The following PLEKHA7 variants were observed in gnomAD, a reference collection of about 807,000 sequenced individuals.
PLEKHA7 encodes pleckstrin homology domain-containing family A member 7.
In PLEKHA7, 104 loss-of-function variants were observed where a neutral mutation model predicts 170.0. The observed-to-expected ratio is 0.61, with a 90% confidence interval of 0.52 to 0.72. The LOEUF (loss-of-function observed/expected upper bound fraction) is 0.72. PLEKHA7 is among the 30% of genes least tolerant of loss of function. The probability of loss-of-function intolerance (pLI) is 0.00; values close to 1 mark genes in which losing one functional copy is unlikely to be tolerated. For missense variants in PLEKHA7, 1,615 were observed against 1,671.7 expected (o/e 0.97, Z 0.59); for synonymous variants, 648 against 660.8 (o/e 0.98, Z 0.30).
At chr11:16,840,191 T>C (rs896533620) in intron 9 of PLEKHA7, among the ~76,000 whole-genome samples, 10 of 152,204 alleles carry the variant, frequency 6.6e-5, no homozygotes, top group African/African-American at 2.4e-4. Flanking sequence ...CATTCATTCA[T>C]TCATCGAATC....
intron 3 of PLEKHA7, among the ~76,000 whole-genome samples, chr11:16,882,892 T>C (rs563347158): frequency 3.2e-4 from 48 of 149,444 alleles, no homozygotes; most frequent in African/African-American, 1.2e-3. Flanking sequence ...ACACACAGAG[T>C]TCAGAGTGGG....
chr11:16,785,255 C>A (rs1022464229), intron 24 of PLEKHA7, among the ~76,000 whole-genome samples: 1 of 152,250 alleles, frequency 6.6e-6, no homozygotes, highest in Non-Finnish European at 1.5e-5. Context: ...AGTTCTCACT[C>A]TCCTATCACA....
At chr11:16,959,846 GC>G (rs1861935786) in intron 3 of PLEKHA7, among the ~76,000 whole-genome samples, 1 of 152,172 alleles carries the variant, frequency 6.6e-6, no homozygotes. Context: ...GCTCCCCTCA[GC>G]AGCCCTGGAG....
At chr11:16,815,816 T>A (rs114991250) in intron 12 of PLEKHA7, among the ~76,000 whole-genome samples, 1,678 of 152,278 alleles carry the variant, frequency 0.011, 30 homozygotes, top group African/African-American at 0.037. Flanking sequence ...ACACCTGGTC[T>A]CAGACTCGAG....
chr11:16,987,659 C>A (rs1317396700), intron 3 of PLEKHA7, among the ~76,000 whole-genome samples: 1 of 152,152 alleles, frequency 6.6e-6, no homozygotes, highest in Non-Finnish European at 1.5e-5. Context: ...CAAGTTGCTT[C>A]TTTGCTTCTG....
chr11:16,896,806 G>A (rs1857021352), intron 3 of PLEKHA7, among the ~76,000 whole-genome samples: 1 of 152,192 alleles, frequency 6.6e-6, no homozygotes, highest in East Asian at 1.9e-4. Context: ...GGCTCCAGGG[G>A]TGTCTCAGTA....
intron 3 of PLEKHA7, among the ~76,000 whole-genome samples, chr11:16,871,711 C>A (rs1854865399): frequency 6.6e-6 from 1 of 152,164 alleles, no homozygotes; most frequent in South Asian, 2.1e-4. Flanking sequence ...GTCTCTGCAA[C>A]ACGACCTGCA....
intron 4 of PLEKHA7, among the ~76,000 whole-genome samples, chr11:16,870,530 G>A (rs994511524): frequency 4.6e-5 from 7 of 151,704 alleles, no homozygotes; most frequent in African/African-American, 1.5e-4. Context: ...TTGGGCGGCT[G>A]AGACAGGAGG....
In PLEKHA7 at chr11:17,014,245, C is replaced by G. The variant is rs1183926890; in HGVS notation, c.87-44G>C. 24 of 1,415,268 alleles carry G rather than the reference C, an allele frequency of 1.7e-5. No homozygotes were observed. In the African/African-American group the frequency reaches 2.7e-4, roughly 16 times the overall value. The allele number at this position is 1,415,268 out of a possible 1,614,324, so 87.7% of individuals were successfully genotyped here. A position where few individuals can be genotyped will look rare whatever the true frequency, so the allele number is the denominator to read the frequency against. On this transcript the variant is annotated intron_variant, in intron 1 of 26. Coordinates refer to ENST00000531066, the MANE Select transcript of PLEKHA7 (RefSeq NM_001329630.2). ...ACCTGTTAGCGCCGCCACAGCCCGC[C>G]GGGTGCCCGCCCGGCCCCCGCCCCC...
intron 10 of PLEKHA7, among the ~76,000 whole-genome samples, chr11:16,825,294 G>A (rs1331802736): frequency 6.6e-6 from 1 of 152,248 alleles, no homozygotes; most frequent in Non-Finnish European, 1.5e-5. Context: ...ATGAAGTGTG[G>A]CCTTTCAGAG....
intron 3 of PLEKHA7, among the ~76,000 whole-genome samples, chr11:16,933,822 A>C (rs4757447): frequency 0.39 from 59,088 of 152,016 alleles, 12,287 homozygotes; most frequent in African/African-American, 0.5. Flanking sequence ...TGGCTCTCCC[A>C]GCTAGAGACC....
chr11:16,887,592 C>CG (rs1856233715), intron 3 of PLEKHA7, among the ~76,000 whole-genome samples: 1 of 151,784 alleles, frequency 6.6e-6, no homozygotes, highest in Non-Finnish European at 1.5e-5. Context: ...GACGGGGTTT[C>CG]GCTGTGTTGG....
At chr11:16,927,572 C>CA (rs1243978768) in intron 3 of PLEKHA7, among the ~76,000 whole-genome samples, 22 of 151,424 alleles carry the variant, frequency 1.5e-4, no homozygotes, top group Non-Finnish European at 2.9e-4. Flanking sequence ...CTGGGTCATC[C>CA]AAAAAAACAA....
chr11:16,792,126 C>T (rs935519860), intron 19 of PLEKHA7, among the ~76,000 whole-genome samples: 1 of 152,018 alleles, frequency 6.6e-6, no homozygotes, highest in Non-Finnish European at 1.5e-5. Flanking sequence ...AGCCATCTGC[C>T]TAAGATACGC....
chr11:16,781,678 T>A (rs1849032610), intron 26 of PLEKHA7, among the ~76,000 whole-genome samples: 1 of 151,710 alleles, frequency 6.6e-6, no homozygotes, highest in South Asian at 2.1e-4. Context: ...AGAGAACAGG[T>A]TTTGACTAAG....
chr11:16,881,164 TCA>T (rs1390942525), intron 3 of PLEKHA7: 10 of 152,246 alleles, frequency 6.6e-5, no homozygotes, highest in African/African-American at 2.4e-4. Context: ...TCCCTTTCTC[TCA>T]GTCATTACTT....
intron 3 of PLEKHA7, among the ~76,000 whole-genome samples, chr11:16,877,198 T>C (rs769311162): frequency 3.3e-5 from 5 of 152,102 alleles, no homozygotes; most frequent in Non-Finnish European, 5.9e-5. Flanking sequence ...AGCGTTACCC[T>C]GCAGGCCTGC....
chr11:16,953,491 A>G (rs911819936), intron 3 of PLEKHA7, among the ~76,000 whole-genome samples: 1 of 152,236 alleles, frequency 6.6e-6, no homozygotes, highest in Non-Finnish European at 1.5e-5. Context: ...AGATTAAATA[A>G]GCTAAACCAA....
intron 3 of PLEKHA7, among the ~76,000 whole-genome samples, chr11:16,900,305 C>T (rs1857251447): frequency 6.6e-6 from 1 of 152,170 alleles, no homozygotes; most frequent in Admixed American, 6.5e-5. Context: ...TTCACTGATC[C>T]ATAAATCTTG....
Sources: gnomAD v4.1 joint callset for allele counts (sites outside exome capture counted in the v4.1 genomes callset) on GRCh38, gnomAD v4.1.1 for gene constraint, MANE v1.5 for transcripts, NCBI Gene and HGNC (gene_info 2026-07-23, HGNC 2026-07-21) for gene names.